Variants in SULT4A1 observed in about 807,000 individuals in gnomAD.
SULT4A1 encodes sulfotransferase family 4A member 1.
A neutral mutation model predicts 35.2 loss-of-function variants in SULT4A1; 11 were observed. That is an observed-to-expected ratio of 0.31 (90% CI 0.20 to 0.52). SULT4A1 has a LOEUF of 0.52. Ranked by LOEUF, SULT4A1 falls within the 20% of genes least tolerant of loss-of-function variation. The pLI, the probability that SULT4A1 is intolerant of heterozygous loss-of-function variation, is 0.97. For missense variants in SULT4A1, 271 were observed against 383.7 expected, an observed-to-expected ratio of 0.71 and a Z score of 2.45; for synonymous variants, 152 against 151.8, an observed-to-expected ratio of 1.00 and a Z score of -0.01.
intron 1 of SULT4A1, among the ~76,000 whole-genome samples, chr22:43,861,126 C>T (rs963583392): frequency 1.3e-4 from 20 of 152,274 alleles, no homozygotes; most frequent in Admixed American, 5.2e-4. Context: ...AGCAGCCCAT[C>T]GAACGCTCTG....
intron 1 of SULT4A1, among the ~76,000 whole-genome samples, chr22:43,853,793 C>T (rs1251235266): frequency 2.0e-5 from 3 of 152,246 alleles, no homozygotes; most frequent in Non-Finnish European, 2.9e-5. Context: ...TACCAAGAGG[C>T]TGCTGCACCT....
rs1202953439 is a variant in SULT4A1, at chr22:43,841,947, C to T, written c.170-15G>A. 5 of 1,611,124 alleles carry T rather than the reference C, an allele frequency of 3.1e-6. No individual in the cohort carries two copies. In the African/African-American group the frequency reaches 4.0e-5, roughly 13 times the overall value. On this transcript the variant is annotated splice_polypyrimidine_tract_variant and intron_variant, in intron 1 of 6. Transcript: ENST00000330884. ...CAAGCTGGTGCCTGGAGGGGAGAAG[C>T]CCCAGCGCGGGGTGCTCAGAGGAGG...
At chr22:43,838,046 C>A (rs1039268425) in intron 4 of SULT4A1, among the ~76,000 whole-genome samples, 10 of 152,246 alleles carry the variant, frequency 6.6e-5, no homozygotes, top group Admixed American at 2.0e-4. Context: ...CCTACACTGC[C>A]CACTTTCTGT....
intron 1 of SULT4A1, among the ~76,000 whole-genome samples, chr22:43,859,058 T>C (rs1482206256): frequency 6.6e-6 from 1 of 152,146 alleles, no homozygotes; most frequent in East Asian, 1.9e-4. Flanking sequence ...CCCATGTCAC[T>C]GCAAGTGCCA....
rs747916981 is a variant in SULT4A1, at chr22:43,825,937, A to C, written c.*64T>G. On this transcript the variant is annotated 3_prime_UTR_variant, in exon 7 of 7. Coordinates refer to ENST00000330884, the MANE Select transcript of SULT4A1 (RefSeq NM_014351.4). ...TGTCCAGCAAGGAATAAATGAATGCATACAGGACTTTTGGCTAGTAGACTG... is the reference window on the plus strand; with the variant it reads ...TGTCCAGCAAGGAATAAATGAATGCCTACAGGACTTTTGGCTAGTAGACTG... 1.6e-5 allele frequency: 24 copies of C among 1,487,672 alleles called. No individual in the cohort carries two copies. Among genetic ancestry groups the C allele is most frequent in the Non-Finnish European group, 2.1e-5 (23 of 1,074,304 alleles). 92.2% of individuals were successfully genotyped at this position (1,487,672 alleles called of 1,614,324 possible).
intron 6 of SULT4A1, chr22:43,827,461 T>C (rs555896889): frequency 2.4e-6 from 3 of 1,239,124 alleles, no homozygotes; most frequent in Non-Finnish European, 2.1e-6. Flanking sequence ...TATTTTTCCA[T>C]GATTATTTTT....
intron 6 of SULT4A1, among the ~76,000 whole-genome samples, chr22:43,828,305 GGGGTTTTA>G (rs1413392621): frequency 1.3e-5 from 2 of 152,254 alleles, no homozygotes; most frequent in Admixed American, 1.3e-4. Flanking sequence ...CTGGGATTCA[GGGGTTTTA>G]GAGCCTGGGC....
At chr22:43,831,302 G>GAGATGTGTGGGCAGCTGCCCCCA (rs1172906526) in intron 5 of SULT4A1, among the ~76,000 whole-genome samples, 6 of 152,232 alleles carry the variant, frequency 3.9e-5, no homozygotes, top group Non-Finnish European at 8.8e-5. Flanking sequence ...AGCTGCCCCC[G>GAGATGTGTGGGCAGCTGCCCCCA]AGATGTGTGG....
chr22:43,836,488 C>A (rs1195502203), intron 4 of SULT4A1, among the ~76,000 whole-genome samples: 5 of 121,104 alleles, frequency 4.1e-5, no homozygotes, highest in Non-Finnish European at 6.8e-5. Flanking sequence ...CAGCGTCCTC[C>A]AACTGCAGGT....
At position 43,841,791 on chromosome 22, in the gene SULT4A1, G is replaced by A; in HGVS notation, c.300+11C>T. 6.2e-7 allele frequency: 1 copy of A among 1,611,196 alleles called. No individual in the cohort carries two copies. Among genetic ancestry groups the A allele is most frequent in the Non-Finnish European group, 8.5e-7 (1 of 1,177,704 alleles). On this transcript the variant is annotated intron_variant, in intron 2 of 6. Transcript: ENST00000330884. ...AGAGGTGCTGGGACAGGTGCTGCTG[G>A]CCCTGGGTACCTTGATGATGTCCAG...
At chr22:43,846,945 C>T (rs938745160) in intron 1 of SULT4A1, among the ~76,000 whole-genome samples, 11 of 152,192 alleles carry the variant, frequency 7.2e-5, no homozygotes, top group Non-Finnish European at 1.2e-4. Context: ...CTTCTCTGCA[C>T]GTTAAAGTCT....
intron 5 of SULT4A1, 29 bp from the exon 6 acceptor site, chr22:43,829,227 G>T: frequency 6.6e-7 from 1 of 1,510,146 alleles, no homozygotes; most frequent in East Asian, 2.5e-5. Context: ...GAGCAGAGCA[G>T]CCCATCAGAG....
chr22:43,836,686 C>T (rs903327925), intron 4 of SULT4A1, among the ~76,000 whole-genome samples: 1 of 150,506 alleles, frequency 6.6e-6, no homozygotes, highest in African/African-American at 2.5e-5. Context: ...AGCCTGTCTA[C>T]ACATCAAACT....
intron 3 of SULT4A1, among the ~76,000 whole-genome samples, chr22:43,839,601 C>A (rs1603406321): frequency 2.0e-5 from 3 of 152,030 alleles, no homozygotes; most frequent in Non-Finnish European, 4.4e-5. Flanking sequence ...AACAAAAAAA[C>A]AAACAAACAA....
chr22:43,857,196 G>A (rs907077694), intron 1 of SULT4A1, among the ~76,000 whole-genome samples: 4 of 152,198 alleles, frequency 2.6e-5, no homozygotes, highest in South Asian at 2.1e-4. Flanking sequence ...GAAAGGAGCA[G>A]TTAGCCACAG....
At chr22:43,858,172 T>C (rs1198057877) in intron 1 of SULT4A1, among the ~76,000 whole-genome samples, 1 of 151,792 alleles carries the variant, frequency 6.6e-6, no homozygotes, top group Non-Finnish European at 1.5e-5. Context: ...AAAGAAACTA[T>C]GGCCAGCCAT....
rs892481962 is a variant in SULT4A1 at position 43,839,054 on chromosome 22, G to A, written c.382-61C>T. On this transcript the variant is annotated intron_variant, in intron 3 of 6. Coordinates refer to ENST00000330884, the MANE Select transcript of SULT4A1 (RefSeq NM_014351.4). ...CTTCCCTCCCAGGCAGGGCTGCCCC[G>A]ACACAGGCCAGCCTCCCTGAACCTG... The A allele has an allele frequency of 1.7e-5, 27 of 1,596,658 alleles. No individual in the cohort carries two copies. In the African/African-American group the frequency reaches 2.7e-4, roughly 16 times the overall value.
At chr22:43,835,176 T>TGC (rs1357210168) in intron 4 of SULT4A1, among the ~76,000 whole-genome samples, 44 of 152,256 alleles carry the variant, frequency 2.9e-4, no homozygotes, top group Non-Finnish European at 5.3e-4. Context: ...CTGCGTGGCC[T>TGC]GCGCTGCCTC....
intron 1 of SULT4A1, among the ~76,000 whole-genome samples, chr22:43,853,956 C>T (rs1231288980): frequency 6.1e-5 from 9 of 148,368 alleles, no homozygotes; most frequent in Non-Finnish European, 3.0e-5. Flanking sequence ...ACAGCCTTTG[C>T]AATGGGACCT....
Sources: allele counts gnomAD v4.1 joint callset (sites outside exome capture counted in the v4.1 genomes callset), GRCh38; gene constraint gnomAD v4.1.1; transcripts MANE v1.5; gene names NCBI Gene and HGNC (gene_info 2026-07-23, HGNC 2026-07-21).